The following MDN1 variants were observed in gnomAD, a reference collection of about 807,000 sequenced individuals.
The protein encoded by MDN1 is midasin AAA ATPase 1.
In MDN1, 266 loss-of-function variants were observed where a neutral mutation model predicts 669.2. The observed-to-expected ratio is 0.40, with a 90% CI of 0.36 to 0.44. The LOEUF is 0.44. MDN1 is among the 20% of genes least tolerant of loss of function. The pLI is 1.00. For synonymous variants in MDN1, 2,385 were observed against 2,457.1 expected (o/e 0.97, Z 0.87); for missense variants, 5,940 against 6,754.0 (o/e 0.88, Z 4.22).
At chr6:89,748,392 C>A (rs1239536832) in intron 26 of MDN1, among the ~76,000 whole-genome samples, 1 of 152,046 alleles carries the variant, frequency 6.6e-6, no homozygotes, top group Non-Finnish European at 1.5e-5. Flanking sequence ...CAATGTGGAA[C>A]CATAATGGTA....
chr6:89,708,409 C>CATA, intron 51 of MDN1, 87 bp downstream of exon 51: 1 of 1,505,032 alleles, frequency 6.6e-7, no homozygotes, highest in Non-Finnish European at 9.0e-7. Flanking sequence ...ATTCAACACA[C>CATA]ATAAGCTATT....
rs149887466 is a variant in MDN1 at position 89,727,595 on chromosome 6, A to T, written c.5472+238T>A. On this transcript the variant is annotated intron_variant, in intron 37 of 101. Transcript: ENST00000369393. ...CTAGTGACGATGCAGTTTTCCTCTG[A>T]AGGATAACTTTAAACAGTGGGAGAG... is the stretch of plus-strand genomic sequence containing the variant. Among the ~76,000 whole-genome samples, 761 of 152,338 alleles carry T rather than the reference A, an allele frequency of 5.0e-3. 4 individuals are homozygous for T. Among genetic ancestry groups the T allele is most frequent in the African/African-American group, 0.018 (728 of 41,568 alleles).
At chr6:89,720,300 T>G (rs1256900846) in intron 40 of MDN1, among the ~76,000 whole-genome samples, 2 of 151,084 alleles carry the variant, frequency 1.3e-5, no homozygotes, top group African/African-American at 4.9e-5. Flanking sequence ...ATATTGCTAC[T>G]CGGGAGGCTG....
intron 85 of MDN1, among the ~76,000 whole-genome samples, chr6:89,663,253 A>G (rs1038578758): frequency 5.3e-5 from 8 of 152,134 alleles, no homozygotes; most frequent in Non-Finnish European, 1.2e-4. Flanking sequence ...AATGGCCATT[A>G]TGGGACTCAG....
In MDN1 at chr6:89,805,021, C is replaced by T. The variant is rs558945601; in HGVS notation, c.103-1467G>A. On this transcript the variant is annotated intron_variant, in intron 1 of 101. Coordinates refer to ENST00000369393, the MANE Select transcript of MDN1 (RefSeq NM_014611.3). The stretch of plus-strand genomic sequence containing the variant: ...CACTGCACTCTAGCCTGGGCGACAG[C>T]GAGACTCCGTCTCAAAAAAAAAAAA... 4.5e-4 allele frequency among the ~76,000 whole-genome samples: 50 copies of T among 111,656 alleles called. No individual in the cohort carries two copies. The Middle Eastern group carries it at 0.024, about 53-fold the overall frequency. 73.3% of individuals were successfully genotyped at this position (111,656 alleles called of 152,430 possible).
intron 15 of MDN1, among the ~76,000 whole-genome samples, chr6:89,770,817 T>C (rs990553489): frequency 2.0e-5 from 3 of 152,188 alleles, no homozygotes; most frequent in East Asian, 1.9e-4. Context: ...ACTTACACTT[T>C]AGATCAACTG....
At chr6:89,693,613 C>T (rs945510190) in intron 62 of MDN1, among the ~76,000 whole-genome samples, 1 of 152,028 alleles carries the variant, frequency 6.6e-6, no homozygotes, top group African/African-American at 2.4e-5. Flanking sequence ...AGAAAATGCT[C>T]ATTAAAGTAT....
chr6:89,706,451 A>G (rs1410745826), intron 52 of MDN1, among the ~76,000 whole-genome samples: 1 of 151,888 alleles, frequency 6.6e-6, no homozygotes, highest in East Asian at 1.9e-4. Flanking sequence ...ATAATGAGGT[A>G]TCTTGGGGAA....
At chr6:89,749,459 A>C (rs1229180104) in intron 25 of MDN1, 84 bp downstream of exon 25, 2 of 1,591,156 alleles carry the variant, frequency 1.3e-6, no homozygotes, top group Non-Finnish European at 8.6e-7. Flanking sequence ...ATTAAAGGAG[A>C]AGTAAAAACA....
At chr6:89,707,647 A>C (rs1489247376) in intron 51 of MDN1, among the ~76,000 whole-genome samples, 171 bp from the exon 52 acceptor site, 1 of 152,212 alleles carries the variant, frequency 6.6e-6, no homozygotes, top group African/African-American at 2.4e-5. Context: ...ACAACTACTA[A>C]GGTGAAAGGA....
intron 62 of MDN1, 94 bp from the exon 63 acceptor site, chr6:89,693,242 A>G (rs892623137): frequency 2.5e-6 from 2 of 807,200 alleles, no homozygotes; most frequent in Non-Finnish European, 3.9e-6. Context: ...AGGAAGAAAC[A>G]TCAGCTGCTG....
At chr6:89,810,349 T>G (rs773861256) in intron 1 of MDN1, among the ~76,000 whole-genome samples, 12 of 151,900 alleles carry the variant, frequency 7.9e-5, no homozygotes, top group Non-Finnish European at 1.8e-4. Context: ...GGCAGGAGAA[T>G]CGCTTGAACC....
chr6:89,807,914 A>G (rs1768118861), intron 1 of MDN1, among the ~76,000 whole-genome samples: 1 of 151,948 alleles, frequency 6.6e-6, no homozygotes, highest in Non-Finnish European at 1.5e-5. Context: ...GTTTTTTTTC[A>G]TAGCTTAAAT....
rs957969165 is a variant in MDN1, at chr6:89,742,969, T to C, written c.4448+181A>G. On this transcript the variant is annotated intron_variant, in intron 31 of 101. Coordinates refer to ENST00000369393, the MANE Select transcript of MDN1 (RefSeq NM_014611.3). The stretch of plus-strand genomic sequence containing the variant: ...ATGAGAAGTATTACTGTGCACAAGA[T>C]TAAATATCTATAAAAATCACATCAA... 7.2e-5 allele frequency among the ~76,000 whole-genome samples: 11 copies of C among 152,052 alleles called. No individual in the cohort carries two copies. The East Asian group carries it at 1.2e-3, about 16-fold the overall frequency.
At chr6:89,726,709 T>C (rs1179027498) in intron 37 of MDN1, among the ~76,000 whole-genome samples, 1 of 152,176 alleles carries the variant, frequency 6.6e-6, no homozygotes, top group African/African-American at 2.4e-5. Context: ...AAGAGCTGAA[T>C]GTAGGTCTTC....
chr6:89,789,842 G>A lies in MDN1; in HGVS notation c.1168C>T (p.Gln390Ter). Residue 390 changes from glutamine to a stop codon, truncating the protein, a stop_gained, in exon 7 of 102, where the codon CAG (glutamine) becomes TAG (stop). Coordinates refer to ENST00000369393, the MANE Select transcript of MDN1 (RefSeq NM_014611.3). LOFTEE classifies it high-confidence loss of function. ...ATCCAGTGGCCCATTGTGGCTGCCT[G>A]TGTCAGGGTGCCAGGCTGCCACACA... is the stretch of plus-strand genomic sequence containing the variant. ...EFVWQPGTLTQAATMGHWILL... is the reference protein window; with the variant it reads ...EFVWQPGTLT 1 of 1,614,112 alleles carries A rather than the reference G, an allele frequency of 6.2e-7. No individual in the cohort carries two copies. The highest frequency in any genetic ancestry group is 8.5e-7 in the Non-Finnish European group (1 of 1,180,014).
chr6:89,743,527 G>GCCAA (rs766068519), intron 30 of MDN1, 49 bp downstream of exon 30: 1 of 1,588,248 alleles, frequency 6.3e-7, no homozygotes, highest in South Asian at 1.1e-5. Flanking sequence ...CTCATGCACA[G>GCCAA]CTAACTGCAG....
At chr6:89,776,422 T>C (rs916694852) in intron 12 of MDN1, among the ~76,000 whole-genome samples, 178 bp downstream of exon 12, 25 of 152,096 alleles carry the variant, frequency 1.6e-4, no homozygotes, top group African/African-American at 5.8e-4. Context: ...GATGGCGCCA[T>C]TGCACTCGCG....
At chr6:89,736,566 G>A (rs971859687) in intron 33 of MDN1, among the ~76,000 whole-genome samples, 4 of 152,052 alleles carry the variant, frequency 2.6e-5, no homozygotes, top group Admixed American at 1.3e-4. Context: ...CAAAGCAGGC[G>A]GGTCACTCGA....
Sources: allele counts gnomAD v4.1 joint callset (sites outside exome capture counted in the v4.1 genomes callset), GRCh38; gene constraint gnomAD v4.1.1; transcripts MANE v1.5; gene names NCBI Gene and HGNC (gene_info 2026-07-23, HGNC 2026-07-21).